The following SYNDIG1L variants were observed in gnomAD, a reference collection of about 807,000 sequenced individuals.
SYNDIG1L encodes the protein synapse differentiation inducing 1 like.
In SYNDIG1L, 13 loss-of-function variants were observed where a neutral mutation model predicts 20.1. The ratio of observed to expected loss-of-function variants is 0.65; its 90% CI spans 0.42 to 1.03. SYNDIG1L has a LOEUF of 1.03. Ranked by LOEUF, SYNDIG1L falls within the 50% of genes least tolerant of loss-of-function variation. The pLI is 0.00. For missense variants in SYNDIG1L, 294 were observed against 305.1 expected, an observed-to-expected ratio of 0.96 and a Z score of 0.27; for synonymous variants, 128 against 129.3, an observed-to-expected ratio of 0.99 and a Z score of 0.07.
chr14:74,430,766 A>ATT (rs892654049), upstream of SYNDIG1L, among the ~76,000 whole-genome samples: 1 of 130,140 alleles, frequency 7.7e-6, no homozygotes, highest in Admixed American at 7.8e-5. Context: ...GCACACTACA[A>ATT]TTTTTTTTTT....
the SYNDIG1L span, among the ~76,000 whole-genome samples, chr14:74,432,672 A>G: frequency 6.6e-5 from 10 of 152,216 alleles, no homozygotes; most frequent in African/African-American, 1.7e-4. Flanking sequence ...CTTGGCCAAC[A>G]TAGTGAAATC....
chr14:74,453,836 C>T, the SYNDIG1L span, among the ~76,000 whole-genome samples: 17 of 151,936 alleles, frequency 1.1e-4, no homozygotes, highest in African/African-American at 4.1e-4. Context: ...TGTGGTGGTG[C>T]ACACCTGTAA....
At chr14:74,412,236 C>G (rs2086137168) in intron 1 of SYNDIG1L, among the ~76,000 whole-genome samples, 1 of 152,206 alleles carries the variant, frequency 6.6e-6, no homozygotes, top group Admixed American at 6.5e-5. Context: ...GGGCTCGTGG[C>G]TGGGCTCCTC....
the SYNDIG1L span, among the ~76,000 whole-genome samples, chr14:74,449,070 A>G: frequency 6.6e-6 from 1 of 151,824 alleles, no homozygotes; most frequent in Admixed American, 6.6e-5. Context: ...CGTCTCTATA[A>G]GAAAATACAA....
intron 1 of SYNDIG1L, among the ~76,000 whole-genome samples, chr14:74,412,204 A>G (rs1021995859): frequency 4.6e-5 from 7 of 152,152 alleles, no homozygotes; most frequent in African/African-American, 1.7e-4. Context: ...CAGAGTGCCC[A>G]AGGCAGAGGC....
At chr14:74,427,456 G>A (rs115413020), upstream of SYNDIG1L, among the ~76,000 whole-genome samples, 450 of 152,262 alleles carry the variant, frequency 3.0e-3, 2 homozygotes, top group African/African-American at 0.01. Context: ...ATCTGGCACA[G>A]TTCGGTGTAG....
chr14:74,452,356 A>G, the SYNDIG1L span, among the ~76,000 whole-genome samples: 12 of 152,302 alleles, frequency 7.9e-5, no homozygotes, highest in African/African-American at 2.4e-4. Context: ...CAATTTCCAC[A>G]TGTCATGGGA....
the SYNDIG1L span, among the ~76,000 whole-genome samples, chr14:74,467,601 C>T: frequency 6.6e-6 from 1 of 152,334 alleles, no homozygotes; most frequent in African/African-American, 2.4e-5. Flanking sequence ...ATATGAAAAT[C>T]CCTTATCTGA....
the SYNDIG1L span, among the ~76,000 whole-genome samples, chr14:74,442,266 A>G: frequency 3.9e-5 from 6 of 152,214 alleles, no homozygotes; most frequent in Non-Finnish European, 5.9e-5. Flanking sequence ...GAATAATAAT[A>G]TTAACAAAAT....
At chr14:74,440,062 C>T in the SYNDIG1L span, among the ~76,000 whole-genome samples, 1 of 151,290 alleles carries the variant, frequency 6.6e-6, no homozygotes, top group Admixed American at 6.6e-5. Context: ...ACATAGTCTA[C>T]CATGGCATTA....
At chr14:74,418,263 G>A (rs566130712) in intron 1 of SYNDIG1L, among the ~76,000 whole-genome samples, 1 of 152,226 alleles carries the variant, frequency 6.6e-6, no homozygotes, top group African/African-American at 2.4e-5. Context: ...GCAGCTTGCT[G>A]CATTTGAGAA....
chr14:74,432,575 G>T, the SYNDIG1L span, among the ~76,000 whole-genome samples: 7 of 152,320 alleles, frequency 4.6e-5, no homozygotes, highest in African/African-American at 1.7e-4. Context: ...GAAGGAGAAG[G>T]TTAGGTGAGG....
At chr14:74,439,258 A>G in the SYNDIG1L span, among the ~76,000 whole-genome samples, 2 of 151,936 alleles carry the variant, frequency 1.3e-5, no homozygotes, top group South Asian at 4.2e-4. Flanking sequence ...AGAGCGTTGT[A>G]CTTTTACATC....
chr14:74,414,913 G>T (rs1314081347), intron 1 of SYNDIG1L, among the ~76,000 whole-genome samples: 1 of 152,174 alleles, frequency 6.6e-6, no homozygotes, highest in African/African-American at 2.4e-5. Context: ...CACCAAGGGA[G>T]TAAGAACTGG....
At position 74,411,249 on chromosome 14, in the gene SYNDIG1L, T is replaced by A. The variant is rs543424779; in HGVS notation, c.-57-1448A>T. On this transcript the variant is annotated intron_variant, in intron 1 of 3. Coordinates refer to ENST00000331628, the MANE Select transcript of SYNDIG1L (RefSeq NM_001105579.2). ...GTAAGGTGTGGATGGTAATAGGGAT[T>A]ACCATCCATACATCCCCATAAAGTT... 2.0e-5 allele frequency among the ~76,000 whole-genome samples: 3 copies of A among 152,190 alleles called. No individual in the cohort carries two copies. In the South Asian group the frequency reaches 6.2e-4, roughly 31 times the overall value.
At chr14:74,438,019 T>C in the SYNDIG1L span, among the ~76,000 whole-genome samples, 1 of 152,220 alleles carries the variant, frequency 6.6e-6, no homozygotes, top group African/African-American at 2.4e-5. Flanking sequence ...AGTCAGACTA[T>C]TATCTGAAAC....
At chr14:74,422,854 T>C (rs1257069921) in intron 1 of SYNDIG1L, among the ~76,000 whole-genome samples, 1 of 151,688 alleles carries the variant, frequency 6.6e-6, no homozygotes, top group Non-Finnish European at 1.5e-5. Context: ...TGAAGTTACA[T>C]GCCTGGCTAC....
At chr14:74,469,268 G>A in the SYNDIG1L span, among the ~76,000 whole-genome samples, 1 of 151,214 alleles carries the variant, frequency 6.6e-6, no homozygotes, top group Non-Finnish European at 1.5e-5. Flanking sequence ...AGCATCGCAA[G>A]GACAGAAAAC....
the SYNDIG1L span, among the ~76,000 whole-genome samples, chr14:74,432,180 T>TGTGTGTGTGTGAGAGAGA: frequency 8.1e-6 from 1 of 124,072 alleles, no homozygotes; most frequent in Admixed American, 8.3e-5. Flanking sequence ...TGTGTGTGTG[T>TGTGTGTGTGTGAGAGAGA]GAGAGAGAGA....
Sources: allele counts gnomAD v4.1 joint callset (sites outside exome capture counted in the v4.1 genomes callset), GRCh38; gene constraint gnomAD v4.1.1; transcripts MANE v1.5; gene names NCBI Gene and HGNC (gene_info 2026-07-23, HGNC 2026-07-21).